The following TMUB1 variants were observed in gnomAD, a reference collection of about 807,000 sequenced individuals.
TMUB1 encodes transmembrane and ubiquitin-like domain-containing protein 1.
Under a neutral mutation model 16.2 loss-of-function variants are expected in TMUB1, and 9 were observed. The observed-to-expected ratio is 0.55, with a 90% confidence interval of 0.33 to 0.97. The LOEUF (loss-of-function observed/expected upper bound fraction) is 0.97, where lower values mean the gene tolerates loss of function less well. Among genes scored for constraint, TMUB1 ranks in the 50% least tolerant of loss-of-function variants. The pLI is 0.03. For synonymous variants in TMUB1, 155 were observed against 152.2 expected (o/e 1.02, Z -0.13); for missense variants, 309 against 313.5 (o/e 0.99, Z 0.11).
chr7:151,081,820 C>A lies in TMUB1; in HGVS notation c.470G>T (p.Gly157Val). ...QLLGDDTQTL[G>V]SLHLPPNCVL... ...GCAGTTGGGAGGGAGGTGAAGGCTG[C>A]CCAGGGTCTGGGTGTCGTCGCCTAG... Residue 157 changes from glycine (G) to valine (V), a missense_variant, in exon 3 of 3, where the codon GGC becomes GTC. Physicochemically the swap from Gly to Val is moderately radical, Grantham distance 109. Coordinates refer to ENST00000297533, the MANE Select transcript of TMUB1 (RefSeq NM_001136044.2). This position sits in a 1 kb window ranked among gnomAD's most constrained non-coding sequence, Gnocchi z 7.6. 1 of 1,560,234 alleles carries A rather than the reference C, an allele frequency of 6.4e-7. No individual in the cohort carries two copies.
Position 151,082,068 on chromosome 7 carries a change from G to C in TMUB1, c.389+107C>G. 2 of 1,431,504 alleles carry C rather than the reference G, an allele frequency of 1.4e-6. No individual in the cohort carries two copies. The highest frequency in any genetic ancestry group is 1.9e-6 in the Non-Finnish European group (2 of 1,079,304). The allele number at this position is 1,431,504 out of a possible 1,614,324, so 88.7% of individuals were successfully genotyped here. On this transcript the variant is annotated intron_variant, in intron 2 of 2. Coordinates refer to ENST00000297533, the MANE Select transcript of TMUB1 (RefSeq NM_001136044.2). This position sits in a 1 kb window ranked among gnomAD's most constrained non-coding sequence, Gnocchi z 7.0. ...ACAGTTGTGATCTGGGGCGCTCAGCGCCTCCAGTATAAAGGAGGGCTGGGT... is the reference window on the plus strand; with the variant it reads ...ACAGTTGTGATCTGGGGCGCTCAGCCCCTCCAGTATAAAGGAGGGCTGGGT...
In TMUB1 at chr7:151,081,441, G is replaced by A. The variant is rs1747208906; in HGVS notation, c.*108C>T. Reference sequence around the variant, plus strand: ...CGCAGGGCTGGGCTCCAGGGCGGCGGGAAGAGGCAGGCCGGAGAGGCGGGC... The same window carrying A: ...CGCAGGGCTGGGCTCCAGGGCGGCGAGAAGAGGCAGGCCGGAGAGGCGGGC... On this transcript the variant is annotated 3_prime_UTR_variant, in exon 3 of 3. Transcript: ENST00000297533. The surrounding 1 kb of genome is among the most constrained non-coding windows in gnomAD (Gnocchi z 7.6). The A allele has an allele frequency of 1.5e-6, 2 of 1,367,902 alleles. No homozygotes were observed. Among genetic ancestry groups the A allele is most frequent in the Non-Finnish European group, 1.9e-6 (2 of 1,060,934 alleles). 84.7% of individuals were successfully genotyped at this position (1,367,902 alleles called of 1,614,324 possible). A position where few individuals can be genotyped will look rare whatever the true frequency, so the allele number is the denominator to read the frequency against.
Position 151,082,003 on chromosome 7 carries a change from G to C in TMUB1, c.390-103C>G. 3 of 1,394,566 alleles carry C rather than the reference G, an allele frequency of 2.2e-6. No homozygotes were observed. Among genetic ancestry groups the C allele is most frequent in the Non-Finnish European group, 2.9e-6 (3 of 1,049,908 alleles). The allele number at this position is 1,394,566 out of a possible 1,614,324, so 86.4% of individuals were successfully genotyped here. On this transcript the variant is annotated intron_variant, in intron 2 of 2. Transcript: ENST00000297533. The surrounding 1 kb of genome is among the most constrained non-coding windows in gnomAD (Gnocchi z 7.0). ...CTCCCCCTGCCCTCCACAACACACC[G>C]GCCCTGGCCTGGGAGGGGCCGTCTG...
Position 151,083,162 on chromosome 7 carries a change from C to G in TMUB1, c.-31+272G>C, listed in dbSNP as rs1209457046. On this transcript the variant is annotated intron_variant, in intron 1 of 2. Transcript: ENST00000297533. This position sits in a 1 kb window ranked among gnomAD's most constrained non-coding sequence, Gnocchi z 5.9. The stretch of plus-strand genomic sequence containing the variant: ...CCCTGGGCAATCTGGAGCCACCGAG[C>G]GTCACCACCCACCCAGCTCGGCCCC... 2 of 152,188 alleles carry G rather than the reference C, an allele frequency of 1.3e-5. No homozygotes were observed. The highest frequency in any genetic ancestry group is 2.9e-5 in the Non-Finnish European group (2 of 68,166). The allele number at this position is 152,188 out of a possible 1,614,324, so 9.4% of individuals were successfully genotyped here. A position where few individuals can be genotyped will look rare whatever the true frequency, so the allele number is the denominator to read the frequency against.
chr7:151,082,662 C>A lies in TMUB1; in HGVS notation c.-30-69G>T. The A allele has an allele frequency of 1.6e-6, 2 of 1,242,526 alleles. No homozygotes were observed. Among genetic ancestry groups the A allele is most frequent in the South Asian group, 2.3e-5 (1 of 43,222 alleles). The allele number at this position is 1,242,526 out of a possible 1,614,324, so 77.0% of individuals were successfully genotyped here. ...AGGAGCCCTGGAACCTCCACAGGGT[C>A]CTGCCCTCACCCCACCGCGACGCTC... is the stretch of plus-strand genomic sequence containing the variant. On this transcript the variant is annotated intron_variant, in intron 1 of 2. Transcript: ENST00000297533. This position sits in a 1 kb window ranked among gnomAD's most constrained non-coding sequence, Gnocchi z 7.0.
rs971583463 is a variant in TMUB1 at position 151,082,009 on chromosome 7, G to A, written c.390-109C>T. 3 of 1,387,508 alleles carry A rather than the reference G, an allele frequency of 2.2e-6. No individual in the cohort carries two copies. Among genetic ancestry groups the A allele is most frequent in the Non-Finnish European group, 2.9e-6 (3 of 1,044,416 alleles). The allele number at this position is 1,387,508 out of a possible 1,614,324, so 85.9% of individuals were successfully genotyped here. A position where few individuals can be genotyped will look rare whatever the true frequency, so the allele number is the denominator to read the frequency against. On this transcript the variant is annotated intron_variant, in intron 2 of 2. Coordinates refer to ENST00000297533, the MANE Select transcript of TMUB1 (RefSeq NM_001136044.2). The surrounding 1 kb of genome is among the most constrained non-coding windows in gnomAD (Gnocchi z 7.0). ...CTGCCCTCCACAACACACCGGCCCT[G>A]GCCTGGGAGGGGCCGTCTGCCAGGG...
Position 151,082,341 on chromosome 7 carries a change from T to G in TMUB1, c.223A>C (p.Arg75=), listed in dbSNP as rs1231626970. 8.1e-6 allele frequency: 13 copies of G among 1,599,318 alleles called. No homozygotes were observed. The South Asian group carries it at 1.1e-4, about 14-fold the overall frequency. The change falls in exon 2 of 3, where the codon AGA becomes CGA. Residue 75 remains arginine, a synonymous_variant. Transcript: ENST00000297533. The surrounding 1 kb of genome is among the most constrained non-coding windows in gnomAD (Gnocchi z 7.0). The part of the protein sequence containing the change: ...EAPGAETPSL[R]HRGQAAQPEP... ...GGCTGTGCAGCTTGACCTCTGTGTC[T>G]CAGGCTGGGGGTCTCTGCCCCTGGG... is the stretch of plus-strand genomic sequence containing the variant.
chr7:151,081,890 G>C lies in TMUB1; in HGVS notation c.400C>G (p.Pro134Ala). ...AGTCGCACCTGCTGTTCCCGGCCGG[G>C]AAACTGGGTCCTGAGGAGAGAGGGA... ...TIGSLKRTQF[P>A]GREQQVRLIY... Residue 134 changes from proline (P) to alanine (A), a missense_variant, in exon 3 of 3, where the codon CCC (proline) becomes GCC (alanine). Physicochemically the swap from Pro to Ala is conservative, Grantham distance 27. Transcript: ENST00000297533. The surrounding 1 kb of genome is among the most constrained non-coding windows in gnomAD (Gnocchi z 7.6). 2.0e-6 allele frequency: 3 copies of C among 1,483,900 alleles called. No individual in the cohort carries two copies. Among genetic ancestry groups the C allele is most frequent in the Non-Finnish European group, 2.7e-6 (3 of 1,117,530 alleles). 91.9% of individuals were successfully genotyped at this position (1,483,900 alleles called of 1,614,324 possible).
Position 151,082,454 on chromosome 7 carries a change from C to T in TMUB1, c.110G>A (p.Gly37Glu). ...CCCTGACGGCTGGGGCAGTGGGTCC[C>T]CGCCCTCAGCGGTGTGCGTTGAGAC... is the stretch of plus-strand genomic sequence containing the variant. ...AWVSTHTAEG[G>E]DPLPQPSGTP... Residue 37 changes from glycine to glutamate, a missense_variant, in exon 2 of 3, where the codon GGG becomes GAG. Gly to Glu is a moderately conservative substitution (Grantham distance 98). Coordinates refer to ENST00000297533, the MANE Select transcript of TMUB1 (RefSeq NM_001136044.2). The surrounding 1 kb of genome is among the most constrained non-coding windows in gnomAD (Gnocchi z 7.0). 6.2e-7 allele frequency: 1 copy of T among 1,607,436 alleles called. No homozygotes were observed. The highest frequency in any genetic ancestry group is 1.1e-5 in the South Asian group (1 of 90,492).
At position 151,081,915 on chromosome 7, in the gene TMUB1, A is replaced by G. The variant is rs1418149296; in HGVS notation, c.390-15T>C. On this transcript the variant is annotated splice_polypyrimidine_tract_variant and intron_variant, in intron 2 of 2. Coordinates refer to ENST00000297533, the MANE Select transcript of TMUB1 (RefSeq NM_001136044.2). This position sits in a 1 kb window ranked among gnomAD's most constrained non-coding sequence, Gnocchi z 7.6. ...GAAACTGGGTCCTGAGGAGAGAGGG[A>G]CCTGGGTAAGAGAGCAGGCCTCAGG... is the stretch of plus-strand genomic sequence containing the variant. The G allele has an allele frequency of 6.8e-7, 1 of 1,467,384 alleles. No individual in the cohort carries two copies. Among genetic ancestry groups the G allele is most frequent in the African/African-American group, 1.4e-5 (1 of 70,806 alleles). 90.9% of individuals were successfully genotyped at this position (1,467,384 alleles called of 1,614,324 possible).
Position 151,081,093 on chromosome 7 carries a change from TCA to T in TMUB1, c.*454_*455del, listed in dbSNP as rs1328141134. On this transcript the variant is annotated 3_prime_UTR_variant, in exon 3 of 3. Transcript: ENST00000297533. This position sits in a 1 kb window ranked among gnomAD's most constrained non-coding sequence, Gnocchi z 7.6. ...CAGACACACTGCAAGAGTGAAAACT[TCA>T]CAGTTACTTTAATCTGCACGGGTTC... The T allele has an allele frequency of 1.4e-5, 4 of 284,204 alleles. No homozygotes were observed. Among genetic ancestry groups the T allele is most frequent in the Non-Finnish European group, 2.6e-5 (4 of 153,098 alleles). 17.6% of individuals were successfully genotyped at this position (284,204 alleles called of 1,614,324 possible).
Position 151,082,591 on chromosome 7 carries a change from G to A in TMUB1, c.-28C>T. 3.4e-6 allele frequency: 5 copies of A among 1,477,460 alleles called. No individual in the cohort carries two copies. The highest frequency in any genetic ancestry group is 4.5e-6 in the Non-Finnish European group (5 of 1,113,688). The allele number at this position is 1,477,460 out of a possible 1,614,324, so 91.5% of individuals were successfully genotyped here. A position where few individuals can be genotyped will look rare whatever the true frequency, so the allele number is the denominator to read the frequency against. On this transcript the variant is annotated splice_region_variant and 5_prime_UTR_variant, in exon 2 of 3. Transcript: ENST00000297533. This position sits in a 1 kb window ranked among gnomAD's most constrained non-coding sequence, Gnocchi z 7.0. Reference sequence around the variant, plus strand: ...CGCCTGCCTTGCCCGCCGCGCTACCGAGCTGGAGAGGCACAAAGAGCCCGT... The same window carrying A: ...CGCCTGCCTTGCCCGCCGCGCTACCAAGCTGGAGAGGCACAAAGAGCCCGT...
Position 151,081,704 on chromosome 7 carries a change from C to G in TMUB1, c.586G>C (p.Gly196Arg), listed in dbSNP as rs758176409. The change falls in exon 3 of 3, where the codon GGC becomes CGC. Residue 196 changes from glycine (G) to arginine (R), a missense_variant. Physicochemically the swap from Gly to Arg is moderately radical, Grantham distance 125 (BLOSUM62 -2). Transcript: ENST00000297533. The surrounding 1 kb of genome is among the most constrained non-coding windows in gnomAD (Gnocchi z 7.6). The part of the protein sequence containing the change: ...SEPGPSGLEI[G>R]SLLLPLLLLL... ...AGCAGCAGGGGCAGCAGCAGGCTGCCGATTTCCAGCCCGGAGGGGCCGGGC... is the reference window on the plus strand; with the variant it reads ...AGCAGCAGGGGCAGCAGCAGGCTGCGGATTTCCAGCCCGGAGGGGCCGGGC... The G allele has an allele frequency of 1.1e-5, 17 of 1,581,852 alleles. No homozygotes were observed. The Admixed American group carries it at 1.1e-4, about 10-fold the overall frequency.
chr7:151,081,798 G>A lies in TMUB1; in HGVS notation c.492C>T (p.Asn164=). 1 of 1,584,020 alleles carries A rather than the reference G, an allele frequency of 6.3e-7. No individual in the cohort carries two copies. ...TGGACACGTGGCAGTGGAGAACGCAGTTGGGAGGGAGGTGAAGGCTGCCCA... is the reference window on the plus strand; with the variant it reads ...TGGACACGTGGCAGTGGAGAACGCAATTGGGAGGGAGGTGAAGGCTGCCCA... ...QTLGSLHLPP[N]CVLHCHVSTR... The change falls in exon 3 of 3, where the codon AAC becomes AAT. Residue 164 remains asparagine, a synonymous_variant. Coordinates refer to ENST00000297533, the MANE Select transcript of TMUB1 (RefSeq NM_001136044.2). This position sits in a 1 kb window ranked among gnomAD's most constrained non-coding sequence, Gnocchi z 7.6.
Position 151,081,888 on chromosome 7 carries a change from G to T in TMUB1, c.402C>A (p.Pro134=). ...TGAGTCGCACCTGCTGTTCCCGGCC[G>T]GGAAACTGGGTCCTGAGGAGAGAGG... ...TIGSLKRTQF[P]GREQQVRLIY... The change falls in exon 3 of 3, where the codon CCC becomes CCA. Residue 134 remains proline, a synonymous_variant. Coordinates refer to ENST00000297533, the MANE Select transcript of TMUB1 (RefSeq NM_001136044.2). This position sits in a 1 kb window ranked among gnomAD's most constrained non-coding sequence, Gnocchi z 7.6. The T allele has an allele frequency of 6.7e-7, 1 of 1,482,880 alleles. No homozygotes were observed. The highest frequency in any genetic ancestry group is 1.4e-5 in the South Asian group (1 of 71,726). 91.9% of individuals were successfully genotyped at this position (1,482,880 alleles called of 1,614,324 possible).
rs1798007859 is a variant in TMUB1 at position 151,082,093 on chromosome 7, T to A, written c.389+82A>T. On this transcript the variant is annotated intron_variant, in intron 2 of 2. Coordinates refer to ENST00000297533, the MANE Select transcript of TMUB1 (RefSeq NM_001136044.2). This position sits in a 1 kb window ranked among gnomAD's most constrained non-coding sequence, Gnocchi z 7.0. ...GCCTCCAGTATAAAGGAGGGCTGGGTCTTAGGTGTCTCTGGGGGCCTTCTG... is the reference window on the plus strand; with the variant it reads ...GCCTCCAGTATAAAGGAGGGCTGGGACTTAGGTGTCTCTGGGGGCCTTCTG... The A allele has an allele frequency of 6.8e-6, 10 of 1,470,138 alleles. No individual in the cohort carries two copies. The highest frequency in any genetic ancestry group is 9.0e-6 in the Non-Finnish European group (10 of 1,107,856). 91.1% of individuals were successfully genotyped at this position (1,470,138 alleles called of 1,614,324 possible). A position where few individuals can be genotyped will look rare whatever the true frequency, so the allele number is the denominator to read the frequency against.
chr7:151,081,369 G>C lies in TMUB1; in HGVS notation c.*180C>G, dbSNP rs1298711636. ...GCCCCGGGAGGTGGCCCCGAGCCCC[G>C]GCGGTCGCAGGGCGGGGCCTCCGCC... is the stretch of plus-strand genomic sequence containing the variant. On this transcript the variant is annotated 3_prime_UTR_variant, in exon 3 of 3. Coordinates refer to ENST00000297533, the MANE Select transcript of TMUB1 (RefSeq NM_001136044.2). The surrounding 1 kb of genome is among the most constrained non-coding windows in gnomAD (Gnocchi z 7.6). The C allele has an allele frequency of 9.6e-6, 11 of 1,141,920 alleles. No individual in the cohort carries two copies. The highest frequency in any genetic ancestry group is 1.2e-5 in the Non-Finnish European group (11 of 913,586). The allele number at this position is 1,141,920 out of a possible 1,614,324, so 70.7% of individuals were successfully genotyped here.
chr7:151,081,796 C>T lies in TMUB1; in HGVS notation c.494G>A (p.Cys165Tyr). Residue 165 changes from cysteine (C) to tyrosine (Y), a missense_variant, in exon 3 of 3, where the codon TGC (cysteine) becomes TAC (tyrosine). Physicochemically the swap from Cys to Tyr is radical, Grantham distance 194. Coordinates refer to ENST00000297533, the MANE Select transcript of TMUB1 (RefSeq NM_001136044.2). The surrounding 1 kb of genome is among the most constrained non-coding windows in gnomAD (Gnocchi z 7.6). ...TLGSLHLPPN[C>Y]VLHCHVSTRV... ...CGTGGACACGTGGCAGTGGAGAACGCAGTTGGGAGGGAGGTGAAGGCTGCC... is the reference window on the plus strand; with the variant it reads ...CGTGGACACGTGGCAGTGGAGAACGTAGTTGGGAGGGAGGTGAAGGCTGCC... 2 of 1,583,476 alleles carry T rather than the reference C, an allele frequency of 1.3e-6. No individual in the cohort carries two copies. The highest frequency in any genetic ancestry group is 1.7e-6 in the Non-Finnish European group (2 of 1,163,902).
At position 151,082,683 on chromosome 7, in the gene TMUB1, C is replaced by T; in HGVS notation, c.-30-90G>A. ...GGGTCCTGCCCTCACCCCACCGCGA[C>T]GCTCCCACCGTCCTCAGCCTCCGTC... is the stretch of plus-strand genomic sequence containing the variant. On this transcript the variant is annotated intron_variant, in intron 1 of 2. Coordinates refer to ENST00000297533, the MANE Select transcript of TMUB1 (RefSeq NM_001136044.2). This position sits in a 1 kb window ranked among gnomAD's most constrained non-coding sequence, Gnocchi z 7.0. 9.4e-7 allele frequency: 1 copy of T among 1,065,332 alleles called. No homozygotes were observed. Among genetic ancestry groups the T allele is most frequent in the East Asian group, 3.1e-5 (1 of 32,374 alleles). The allele number at this position is 1,065,332 out of a possible 1,614,324, so 66.0% of individuals were successfully genotyped here.
Sources: allele counts gnomAD v4.1 joint callset, GRCh38; gene constraint gnomAD v4.1.1; non-coding constraint Gnocchi (gnomAD v3.1); transcripts MANE v1.5; gene names NCBI Gene and HGNC (gene_info 2026-07-23, HGNC 2026-07-21).